PKIB: variants seen among roughly 807,000 people sequenced by gnomAD.
The protein encoded by PKIB is PKI-beta.
A neutral mutation model predicts 4.5 loss-of-function variants in PKIB; 2 were observed. The observed-to-expected ratio is 0.44, with a 90% CI of 0.18 to 1.39. The LOEUF (loss-of-function observed/expected upper bound fraction) is 1.39, where lower values mean the gene tolerates loss of function less well. Among genes scored for constraint, PKIB ranks in the 40% most tolerant of loss-of-function variants. The pLI is 0.27. For missense variants in PKIB, 94 were observed against 92.6 expected, an observed-to-expected ratio of 1.02 and a Z score of -0.06; for synonymous variants, 38 against 36.0, an observed-to-expected ratio of 1.06 and a Z score of -0.20.
chr6:122,638,725 G>A (rs1034036719), intron 2 of PKIB, among the ~76,000 whole-genome samples: 1 of 152,096 alleles, frequency 6.6e-6, no homozygotes, highest in Admixed American at 6.5e-5. Flanking sequence ...CTTACACAAG[G>A]ACTGGGACTG....
At chr6:122,661,738 G>A (rs1350929475) in intron 2 of PKIB, among the ~76,000 whole-genome samples, 1 of 152,084 alleles carries the variant, frequency 6.6e-6, no homozygotes, top group African/African-American at 2.4e-5. Flanking sequence ...GGATCATATG[G>A]TAACTCTATG....
intron 3 of PKIB, among the ~76,000 whole-genome samples, chr6:122,708,979 A>G (rs1027026446): frequency 6.6e-6 from 1 of 152,194 alleles, no homozygotes; most frequent in African/African-American, 2.4e-5. Context: ...GGCTGTCTCT[A>G]GAGCCACGTC....
intron 3 of PKIB, among the ~76,000 whole-genome samples, chr6:122,587,181 C>T (rs1299304407): frequency 1.3e-5 from 2 of 152,090 alleles, no homozygotes; most frequent in Non-Finnish European, 2.9e-5. Context: ...CCCCCGTCCT[C>T]CCACTCCACA....
At chr6:122,489,657 T>C (rs536444153) in intron 2 of PKIB, among the ~76,000 whole-genome samples, 5 of 152,364 alleles carry the variant, frequency 3.3e-5, no homozygotes, top group Admixed American at 3.3e-4. Flanking sequence ...GAAGGAAAGA[T>C]AAAGTTTCTG....
At position 122,599,944 on chromosome 6, in the gene PKIB, G is replaced by A. The variant is rs114947811; in HGVS notation, c.-161+13937G>A. Among the ~76,000 whole-genome samples the A allele has an allele frequency of 2.5e-3, 387 of 151,824 alleles. 2 individuals carry two copies. The highest frequency in any genetic ancestry group is 8.7e-3 in the African/African-American group (361 of 41,372). On this transcript the variant is annotated intron_variant, in intron 3 of 6. Coordinates refer to the PKIB transcript ENST00000392491. Reference sequence around the variant, plus strand: ...TGCTACCAAAATCTGTATTAGTCAGGGTTATTTTACAGGGACAGAACTAAT... The same window carrying A: ...TGCTACCAAAATCTGTATTAGTCAGAGTTATTTTACAGGGACAGAACTAAT...
chr6:122,567,833 A>G (rs1773238881), intron 2 of PKIB, among the ~76,000 whole-genome samples: 1 of 152,186 alleles, frequency 6.6e-6, no homozygotes. Context: ...TCAGAATTAC[A>G]ATAACCTCTA....
At chr6:122,666,460 GTTTTGTTTTTGTTTTTGT>G (rs377668918) in intron 2 of PKIB, among the ~76,000 whole-genome samples, 1 of 152,118 alleles carries the variant, frequency 6.6e-6, no homozygotes, top group African/African-American at 2.4e-5. Context: ...TGCTAGTTGT[GTTTTGTTTTTGTTTTTGT>G]TTTTGTTTTT....
At chr6:122,699,712 C>T (rs1778719376) in intron 3 of PKIB, among the ~76,000 whole-genome samples, 1 of 152,130 alleles carries the variant, frequency 6.6e-6, no homozygotes, top group Non-Finnish European at 1.5e-5. Flanking sequence ...TCGGGAGTTT[C>T]CATCCTGTCA....
intron 2 of PKIB, among the ~76,000 whole-genome samples, chr6:122,521,249 G>A (rs540673554): frequency 6.6e-6 from 1 of 152,172 alleles, no homozygotes; most frequent in South Asian, 2.1e-4. Context: ...TGCAAGTTTG[G>A]CTTTGGGAAG....
intron 2 of PKIB, among the ~76,000 whole-genome samples, chr6:122,564,370 A>G (rs1027701687): frequency 6.6e-6 from 1 of 152,060 alleles, no homozygotes; most frequent in Non-Finnish European, 1.5e-5. Flanking sequence ...ATGATCCTAG[A>G]ATTCCATCTC....
chr6:122,687,626 T>G (rs556945055), intron 3 of PKIB, among the ~76,000 whole-genome samples: 27 of 152,302 alleles, frequency 1.8e-4, no homozygotes, highest in African/African-American at 6.5e-4. Flanking sequence ...TCATTTTTTG[T>G]GTCCTCTTTA....
intron 3 of PKIB, among the ~76,000 whole-genome samples, chr6:122,593,004 A>G (rs1774063481): frequency 6.6e-6 from 1 of 152,172 alleles, no homozygotes; most frequent in African/African-American, 2.4e-5. Flanking sequence ...TAAATTTACA[A>G]ATGTTTAGAG....
chr6:122,486,579 T>C (rs1173661298), intron 2 of PKIB, among the ~76,000 whole-genome samples: 1 of 152,258 alleles, frequency 6.6e-6, no homozygotes, highest in Non-Finnish European at 1.5e-5. Context: ...TTTTTGTGTG[T>C]ATGATTTTTT....
At chr6:122,652,181 C>T (rs1185561938) in intron 2 of PKIB, among the ~76,000 whole-genome samples, 2 of 151,864 alleles carry the variant, frequency 1.3e-5, no homozygotes, top group Non-Finnish European at 2.9e-5. Flanking sequence ...AGTCAGGGCT[C>T]CACCAGAAAA....
intron 2 of PKIB, among the ~76,000 whole-genome samples, chr6:122,666,846 G>A (rs1777239032): frequency 1.3e-5 from 2 of 152,156 alleles, no homozygotes; most frequent in Admixed American, 1.3e-4. Context: ...ACTACTACTA[G>A]TATTAAGTCC....
intron 2 of PKIB, among the ~76,000 whole-genome samples, chr6:122,536,685 T>C (rs2114627136): frequency 6.6e-6 from 1 of 152,216 alleles, no homozygotes; most frequent in South Asian, 2.1e-4. Context: ...AAACTTTTGA[T>C]TTGAATGGAG....
intron 2 of PKIB, among the ~76,000 whole-genome samples, chr6:122,660,662 A>G (rs2114911447): frequency 6.6e-6 from 1 of 152,318 alleles, no homozygotes; most frequent in Non-Finnish European, 1.5e-5. Context: ...TGATTAGAAT[A>G]CAAGGAGGTA....
chr6:122,523,743 AC>A (rs757480485), intron 2 of PKIB, among the ~76,000 whole-genome samples: 2 of 151,886 alleles, frequency 1.3e-5, no homozygotes, highest in Non-Finnish European at 2.9e-5. Context: ...AGATCAAGCC[AC>A]TGCACTCCAG....
At chr6:122,586,891 T>TA (rs1773863155) in intron 3 of PKIB, among the ~76,000 whole-genome samples, 1 of 152,148 alleles carries the variant, frequency 6.6e-6, no homozygotes, top group Non-Finnish European at 1.5e-5. Flanking sequence ...AAGCAACTGT[T>TA]ATAACAAATT....
Sources: gnomAD v4.1 joint callset for allele counts (sites outside exome capture counted in the v4.1 genomes callset) on GRCh38, gnomAD v4.1.1 for gene constraint, MANE v1.5 for transcripts, NCBI Gene and HGNC (gene_info 2026-07-23, HGNC 2026-07-21) for gene names.